The following CHID1 variants were observed in gnomAD, a reference collection of about 807,000 sequenced individuals.
CHID1 encodes the protein chitinase domain containing 1.
CHID1 carries 44 observed loss-of-function variants against 55.4 expected under a neutral mutation model. The observed-to-expected ratio is 0.79, with a 90% CI of 0.62 to 1.02. CHID1 has a LOEUF of 1.02. CHID1 is among the 50% of genes least tolerant of loss of function. The probability of loss-of-function intolerance (pLI) is 0.00; values close to 1 mark genes in which losing one functional copy is unlikely to be tolerated. For missense variants in CHID1, 491 were observed against 515.3 expected (o/e 0.95, Z 0.46); for synonymous variants, 216 against 212.9 (o/e 1.01, Z -0.13).
At chr11:898,511 G>C (rs1851555681) in intron 7 of CHID1, among the ~76,000 whole-genome samples, 2 of 152,238 alleles carry the variant, frequency 1.3e-5, no homozygotes, top group African/African-American at 4.8e-5. Context: ...CCTGTCCTGA[G>C]CATGTCGAGG....
At chr11:905,896 G>A (rs1006364486) in intron 1 of CHID1, among the ~76,000 whole-genome samples, 4 of 152,108 alleles carry the variant, frequency 2.6e-5, no homozygotes, top group African/African-American at 9.7e-5. Flanking sequence ...AAATAAAGAA[G>A]GAAATGTGAA....
At chr11:908,436 C>T (rs906118731) in intron 1 of CHID1, 3 of 281,814 alleles carry the variant, frequency 1.1e-5, no homozygotes, top group African/African-American at 2.3e-5. Context: ...CTTAGCCCCA[C>T]TATCTTTCTG....
intron 12 of CHID1, 45 bp from the exon 13 acceptor site, chr11:870,001 C>G (rs200188854): frequency 8.1e-6 from 13 of 1,608,610 alleles, no homozygotes; most frequent in East Asian, 4.5e-5. Flanking sequence ...GCCTGTCCCC[C>G]CAACACCCAG....
upstream of CHID1, among the ~76,000 whole-genome samples, chr11:913,780 A>AG: frequency 7.1e-6 from 1 of 139,874 alleles, no homozygotes; most frequent in East Asian, 2.1e-4. Context: ...TAAAAAAAAA[A>AG]AAGGCCAGGC....
chr11:874,190 G>T (rs546847260), intron 10 of CHID1, among the ~76,000 whole-genome samples: 1 of 152,308 alleles, frequency 6.6e-6, no homozygotes, highest in Admixed American at 6.5e-5. Flanking sequence ...GGCCGGGCGT[G>T]GTGGCTCACG....
At chr11:902,406 G>T in intron 3 of CHID1, 76 bp from the exon 4 acceptor site, 1 of 1,539,300 alleles carries the variant, frequency 6.5e-7, no homozygotes, top group Non-Finnish European at 8.9e-7. Context: ...TCATTCTGGC[G>T]CCTCTGGACG....
intron 10 of CHID1, among the ~76,000 whole-genome samples, chr11:881,784 T>C (rs1849953980): frequency 1.3e-5 from 2 of 149,902 alleles, no homozygotes; most frequent in East Asian, 4.1e-4. Context: ...GGAGGATCGC[T>C]TGAGCCTAGG....
chr11:908,705 C>G (rs1419261394), intron 1 of CHID1: 16 of 711,384 alleles, frequency 2.2e-5, no homozygotes, highest in Non-Finnish European at 2.8e-5. Flanking sequence ...AGGGGACTGG[C>G]CCAGGAGTAA....
In CHID1 at chr11:869,739, G is replaced by A. The variant is rs981306079; in HGVS notation, c.*119C>T. 29 of 879,860 alleles carry A rather than the reference G, an allele frequency of 3.3e-5. No homozygotes were observed. Among genetic ancestry groups the A allele is most frequent in the East Asian group, 2.2e-4 (9 of 40,174 alleles). 54.5% of individuals were successfully genotyped at this position (879,860 alleles called of 1,614,324 possible). A position where few individuals can be genotyped will look rare whatever the true frequency, so the allele number is the denominator to read the frequency against. On this transcript the variant is annotated 3_prime_UTR_variant, in exon 13 of 13. Coordinates refer to ENST00000323578, the MANE Select transcript of CHID1 (RefSeq NM_023947.4). The stretch of plus-strand genomic sequence containing the variant: ...GAGTCACATGGTGCCCAGGACCCCC[G>A]ACTGAGGACTGCAGCAGACCCGTCA...
At chr11:870,316 G>A (rs143057189) in intron 11 of CHID1, 103 bp downstream of exon 11, 14 of 1,340,088 alleles carry the variant, frequency 1.0e-5, no homozygotes, top group Admixed American at 5.6e-5. Flanking sequence ...AAGTGAGCTC[G>A]TGACCCTGAG....
At chr11:888,482 C>T (rs1053972392) in intron 8 of CHID1, among the ~76,000 whole-genome samples, 4 of 152,250 alleles carry the variant, frequency 2.6e-5, no homozygotes, top group African/African-American at 9.6e-5. Flanking sequence ...CATCTGTCTC[C>T]GTGCCCCGTG....
chr11:903,332 G>A (rs765287111), intron 2 of CHID1, among the ~76,000 whole-genome samples: 1 of 152,362 alleles, frequency 6.6e-6, no homozygotes, highest in East Asian at 1.9e-4. Flanking sequence ...ACGGTACAGG[G>A]CCTTTCCCAC....
rs1055639860 is a variant in CHID1, at chr11:900,119, G to A, written c.440-9C>T. On this transcript the variant is annotated splice_polypyrimidine_tract_variant and intron_variant, in intron 5 of 12. Transcript: ENST00000323578. The stretch of plus-strand genomic sequence containing the variant: ...AAACAGGAGCCGAGGCACTGCAGGG[G>A]CAACAGACACACACGGGGGCCGTGA... 1.9e-6 allele frequency: 3 copies of A among 1,606,292 alleles called. No homozygotes were observed. Among genetic ancestry groups the A allele is most frequent in the Non-Finnish European group, 2.6e-6 (3 of 1,173,650 alleles).
At chr11:888,384 G>C (rs1160736017) in intron 8 of CHID1, among the ~76,000 whole-genome samples, 1 of 152,194 alleles carries the variant, frequency 6.6e-6, no homozygotes, top group Non-Finnish European at 1.5e-5. Flanking sequence ...CCTCCTACTT[G>C]CAAGAAACAC....
At chr11:874,053 C>A (rs1329478609) in intron 10 of CHID1, among the ~76,000 whole-genome samples, 1 of 152,144 alleles carries the variant, frequency 6.6e-6, no homozygotes, top group Non-Finnish European at 1.5e-5. Flanking sequence ...GGCGTCACCC[C>A]ACGGAGACCA....
chr11:910,678 C>G, intron 1 of CHID1, 97 bp downstream of exon 1: 1 of 1,267,000 alleles, frequency 7.9e-7, no homozygotes, highest in Non-Finnish European at 1.0e-6. Flanking sequence ...CCCGTCCTCC[C>G]GGGGCCGAGC....
upstream of CHID1, among the ~76,000 whole-genome samples, chr11:912,549 A>G (rs939867784): frequency 3.3e-5 from 5 of 152,110 alleles, no homozygotes; most frequent in Admixed American, 6.6e-5. Context: ...ACCTGCATTG[A>G]AAACTGACTT....
In CHID1 at chr11:900,817, T is replaced by G. The variant is rs770438591; in HGVS notation, c.439+119A>C. 7 of 819,116 alleles carry G rather than the reference T, an allele frequency of 8.5e-6. No individual in the cohort carries two copies. In the South Asian group the frequency reaches 1.0e-4, roughly 12 times the overall value. 50.7% of individuals were successfully genotyped at this position (819,116 alleles called of 1,614,324 possible). ...CAGCCTCATCTCTGAGCGGTCAAAG[T>G]AACCTGTGCCGCAGCAGCACAGCCG... On this transcript the variant is annotated intron_variant, in intron 5 of 12. Coordinates refer to ENST00000323578, the MANE Select transcript of CHID1 (RefSeq NM_023947.4).
chr11:893,729 TG>T (rs764902987), intron 7 of CHID1, among the ~76,000 whole-genome samples: 1 of 150,998 alleles, frequency 6.6e-6, no homozygotes, highest in Admixed American at 6.6e-5. Flanking sequence ...CCCCCTAGAG[TG>T]GGGGCCTGTG....
Sources: allele counts gnomAD v4.1 joint callset (sites outside exome capture counted in the v4.1 genomes callset), GRCh38; gene constraint gnomAD v4.1.1; transcripts MANE v1.5; gene names NCBI Gene and HGNC (gene_info 2026-07-23, HGNC 2026-07-21).